The following TRIB2 variants were observed in gnomAD, a reference collection of about 807,000 sequenced individuals.
TRIB2 encodes the protein tribbles pseudokinase 2.
A neutral mutation model predicts 26.8 loss-of-function variants in TRIB2; 2 were observed. That is an observed-to-expected ratio of 0.07 (90% confidence interval 0.03 to 0.24). The LOEUF is 0.24. Ranked by LOEUF, TRIB2 falls within the 10% of genes least tolerant of loss-of-function variation. The pLI is 1.00. For missense variants in TRIB2, 306 were observed against 449.0 expected (o/e 0.68, Z 2.88); for synonymous variants, 189 against 187.3 (o/e 1.01, Z -0.08).
At position 12,723,307 on chromosome 2, in the gene TRIB2, C is replaced by G; in HGVS notation, c.318C>G (p.Cys106Trp). Residue 106 changes from cysteine to tryptophan, a missense_variant, in exon 2 of 3, where the codon TGC (cysteine) becomes TGG (tryptophan). Transcript: ENST00000155926. ...CYQESLAPCFCLSAHSNINQI... is the reference protein window; with the variant it reads ...CYQESLAPCFWLSAHSNINQI... The stretch of plus-strand genomic sequence containing the variant: ...AGGAATCCCTGGCACCGTGCTTTTG[C>G]CTGTCTGCTCATAGTAACATCAACC... 2 of 1,614,194 alleles carry G rather than the reference C, an allele frequency of 1.2e-6. No individual in the cohort carries two copies. The highest frequency in any genetic ancestry group is 3.3e-5 in the Admixed American group (2 of 60,038).
intron 2 of TRIB2, chr2:12,724,818 T>C: frequency 6.2e-7 from 1 of 1,611,860 alleles, no homozygotes; most frequent in South Asian, 1.1e-5. Flanking sequence ...TGTATGTGCT[T>C]CTTTGAATAT....
intron 2 of TRIB2, among the ~76,000 whole-genome samples, chr2:12,733,114 T>G (rs1182779957): frequency 6.6e-6 from 1 of 152,216 alleles, no homozygotes; most frequent in Non-Finnish European, 1.5e-5. Flanking sequence ...TCTTGTGGAT[T>G]GAGCACTAAA....
intron 2 of TRIB2, chr2:12,724,814 T>C (rs768494029): frequency 6.2e-7 from 1 of 1,612,014 alleles, no homozygotes; most frequent in Non-Finnish European, 8.5e-7. Flanking sequence ...TTGGTGTATG[T>C]GCTTCTTTGA....
Position 12,723,414 on chromosome 2 carries a change from G to A in TRIB2, c.425G>A (p.Arg142His). Residue 142 changes from arginine (R) to histidine (H), a missense_variant, in exon 2 of 3, where the codon CGC becomes CAC. Arg to His is a conservative substitution (Grantham distance 29). Transcript: ENST00000155926. ...RSYGDMHSFV[R>H]TCKKLREEEA... ...TATGGGGACATGCATTCCTTCGTCC[G>A]CACCTGCAAGAAGCTGAGAGAGGAG... 1.9e-6 allele frequency: 3 copies of A among 1,614,208 alleles called. No individual in the cohort carries two copies. Among genetic ancestry groups the A allele is most frequent in the Non-Finnish European group, 2.5e-6 (3 of 1,180,040 alleles).
chr2:12,725,637 G>A (rs545325431), intron 2 of TRIB2, among the ~76,000 whole-genome samples: 24 of 152,222 alleles, frequency 1.6e-4, no homozygotes, highest in South Asian at 1.4e-3. Context: ...TGGAAGTTAC[G>A]TTTGACTTTC....
Position 12,740,706 on chromosome 2 carries a change from C to T in TRIB2, c.944C>T (p.Ser315Leu), listed in dbSNP as rs770116479. Residue 315 changes from serine (S) to leucine (L), a missense_variant, in exon 3 of 3, where the codon TCG becomes TTG. By Grantham distance (145) the Ser-to-Leu change is moderately radical. Around this residue, in one of 4 missense-constraint regions of TRIB2, gnomAD observed 78 missense variants for 104.9 expected, o/e 0.74. Coordinates refer to ENST00000155926, the MANE Select transcript of TRIB2 (RefSeq NM_021643.4). The surrounding 1 kb of genome is among the most constrained non-coding windows in gnomAD (Gnocchi z 5.8). ...HPWFSTDFSV[S>L]NSAYGAKEVS... is the part of the protein sequence containing the mutation. ...TGGTTTTCTACAGATTTTAGCGTCTCGAATTCAGCATATGGTGCTAAGGAA... is the reference window on the plus strand; with the variant it reads ...TGGTTTTCTACAGATTTTAGCGTCTTGAATTCAGCATATGGTGCTAAGGAA... 4.2e-5 allele frequency: 68 copies of T among 1,614,022 alleles called. No individual in the cohort carries two copies. Among genetic ancestry groups the T allele is most frequent in the Non-Finnish European group, 5.0e-5 (59 of 1,180,042 alleles).
In TRIB2 at chr2:12,717,308, G is replaced by GCC. The variant is rs912580111; in HGVS notation, c.-999_-998dup. On this transcript the variant is annotated 5_prime_UTR_variant, in exon 1 of 3. Coordinates refer to ENST00000155926, the MANE Select transcript of TRIB2 (RefSeq NM_021643.4). This position sits in a 1 kb window ranked among gnomAD's most constrained non-coding sequence, Gnocchi z 4.8. ...CAAAGGAACGCCGCGCGTTGGAAGG[G>GCC]CCAGGGACGCAGCTCCCCTTGCAGC... 7.5e-6 allele frequency: 3 copies of GCC among 398,390 alleles called. No homozygotes were observed. The highest frequency in any genetic ancestry group is 1.3e-5 in the Non-Finnish European group (3 of 226,010). 24.7% of individuals were successfully genotyped at this position (398,390 alleles called of 1,614,324 possible). A position where few individuals can be genotyped will look rare whatever the true frequency, so the allele number is the denominator to read the frequency against.
In TRIB2 at chr2:12,737,857, T is replaced by C. The variant is rs576578835; in HGVS notation, c.564-2469T>C. On this transcript the variant is annotated intron_variant, in intron 2 of 2. Coordinates refer to ENST00000155926, the MANE Select transcript of TRIB2 (RefSeq NM_021643.4). The stretch of plus-strand genomic sequence containing the variant: ...GTTGTGTCTATTTTACTACATAATT[T>C]TTTTTTTAAAGACTTCCTTGTCTAG... 9.9e-4 allele frequency among the ~76,000 whole-genome samples: 151 copies of C among 152,342 alleles called. 1 individual carries two copies. Among genetic ancestry groups the C allele is most frequent in the African/African-American group, 3.5e-3 (144 of 41,584 alleles).
At chr2:12,723,885 T>C (rs1661280554) in intron 2 of TRIB2, among the ~76,000 whole-genome samples, 1 of 152,186 alleles carries the variant, frequency 6.6e-6, no homozygotes, top group Non-Finnish European at 1.5e-5. Context: ...CCTTGAAAAT[T>C]CTACCCGCAG....
intron 2 of TRIB2, chr2:12,737,277 C>G (rs1661601546): frequency 6.5e-6 from 1 of 154,780 alleles, no homozygotes; most frequent in African/African-American, 2.4e-5. Context: ...TGTTTTTCTT[C>G]TTACTATTAT....
At chr2:12,722,184 A>AGAAAGTATG (rs1397332433) in intron 1 of TRIB2, among the ~76,000 whole-genome samples, 1 of 152,248 alleles carries the variant, frequency 6.6e-6, no homozygotes, top group African/African-American at 2.4e-5. Context: ...TGATGATGAA[A>AGAAAGTATG]GAAAGTATGT....
Position 12,723,255 on chromosome 2 carries a change from C to T in TRIB2, c.271-5C>T, listed in dbSNP as rs371275622. ...ACTTTGGTCTTACTGTTAATCCTGTCGTAGGTGTTTGATATCAGCTGCTAC... is the reference window on the plus strand; with the variant it reads ...ACTTTGGTCTTACTGTTAATCCTGTTGTAGGTGTTTGATATCAGCTGCTAC... On this transcript the variant is annotated splice_polypyrimidine_tract_variant and splice_region_variant and intron_variant, in intron 1 of 2. Coordinates refer to ENST00000155926, the MANE Select transcript of TRIB2 (RefSeq NM_021643.4). 147 of 1,610,266 alleles carry T rather than the reference C, an allele frequency of 9.1e-5. No individual in the cohort carries two copies. The African/African-American group carries it at 1.8e-3, about 20-fold the overall frequency.
rs1435627904 is a variant in TRIB2 at position 12,718,025 on chromosome 2, A to T, written c.-283A>T. On this transcript the variant is annotated 5_prime_UTR_variant, in exon 1 of 3. Transcript: ENST00000155926. This position sits in a 1 kb window ranked among gnomAD's most constrained non-coding sequence, Gnocchi z 4.0. ...CGGGGACACACACACAGAGTAACTA[A>T]AAGTGCGGCGATTCTGCACATCGCC... 1 of 467,342 alleles carries T rather than the reference A, an allele frequency of 2.1e-6. No homozygotes were observed. The highest frequency in any genetic ancestry group is 3.8e-6 in the Non-Finnish European group (1 of 262,344). 28.9% of individuals were successfully genotyped at this position (467,342 alleles called of 1,614,324 possible).
At chr2:12,724,962 C>T (rs1163399301) in intron 2 of TRIB2, 2 of 1,321,528 alleles carry the variant, frequency 1.5e-6, no homozygotes, top group Non-Finnish European at 2.0e-6. Context: ...ATTTGTTTAC[C>T]TCTTACCATA....
intron 2 of TRIB2, chr2:12,724,921 A>C: frequency 2.7e-6 from 4 of 1,473,560 alleles, no homozygotes; most frequent in Non-Finnish European, 3.6e-6. Flanking sequence ...TTGGAGATTT[A>C]ATAACTGCAC....
chr2:12,724,640 C>T (rs2288192), intron 2 of TRIB2: 352,887 of 1,612,334 alleles, frequency 0.22, 44,175 homozygotes, highest in East Asian at 0.58. Flanking sequence ...TGCCTCTGCC[C>T]CTGGAGCCTG....
At chr2:12,724,811 A>G in intron 2 of TRIB2, 1 of 1,611,990 alleles carries the variant, frequency 6.2e-7, no homozygotes, top group East Asian at 2.2e-5. Context: ...AAATTGGTGT[A>G]TGTGCTTCTT....
intron 2 of TRIB2, among the ~76,000 whole-genome samples, chr2:12,727,582 A>ACC (rs1178165856): frequency 3.3e-5 from 5 of 152,110 alleles, no homozygotes; most frequent in Non-Finnish European, 7.4e-5. Context: ...ACATGTAGGG[A>ACC]GTGGAGGATC....
chr2:12,731,589 A>G (rs1331609106), intron 2 of TRIB2, among the ~76,000 whole-genome samples: 1 of 152,196 alleles, frequency 6.6e-6, no homozygotes, highest in African/African-American at 2.4e-5. Flanking sequence ...TTTACAAACA[A>G]TGAGGAGGAG....
Sources: gnomAD v4.1 joint callset for allele counts (sites outside exome capture counted in the v4.1 genomes callset) on GRCh38, gnomAD v4.1.1 for gene constraint, gnomAD v4.1.1 regional missense constraint, Gnocchi (gnomAD v3.1) non-coding constraint, MANE v1.5 for transcripts, NCBI Gene and HGNC (gene_info 2026-07-23, HGNC 2026-07-21) for gene names.